SLCO5A1: variants seen among roughly 807,000 people sequenced by gnomAD.
SLCO5A1 encodes solute carrier organic anion transporter family member 5A1.
Under a neutral mutation model 65.1 loss-of-function variants are expected in SLCO5A1, and 39 were observed. That is an observed-to-expected ratio of 0.60 (90% CI 0.46 to 0.78). SLCO5A1 has a LOEUF of 0.78. Ranked by LOEUF, SLCO5A1 falls within the 30% of genes least tolerant of loss-of-function variation. The probability of loss-of-function intolerance (pLI) is 0.00; values close to 1 mark genes in which losing one functional copy is unlikely to be tolerated. For synonymous variants in SLCO5A1, 438 were observed against 415.7 expected (o/e 1.05, Z -0.65); for missense variants, 1,029 against 1,069.4 (o/e 0.96, Z 0.53).
intron 4 of SLCO5A1, among the ~76,000 whole-genome samples, chr8:69,742,044 G>A (rs1816807703): frequency 6.6e-6 from 1 of 152,138 alleles, no homozygotes; most frequent in Non-Finnish European, 1.5e-5. Context: ...CTGTCCTGTG[G>A]TTATATAGGA....
chr8:69,667,845 T>C lies in SLCO5A1; in HGVS notation c.*5024A>G, dbSNP rs970212453. On this transcript the variant is annotated 3_prime_UTR_variant, in exon 10 of 10. Coordinates refer to ENST00000260126, the MANE Select transcript of SLCO5A1 (RefSeq NM_030958.3). ...AAGCACTGAGTATTCCATAGAAAAG[T>C]ATCCCCCCTTTCACGCTTCATTTTT... 7.2e-5 allele frequency: 11 copies of C among 152,364 alleles called. No individual in the cohort carries two copies. The highest frequency in any genetic ancestry group is 2.6e-4 in the African/African-American group (11 of 41,590). 9.4% of individuals were successfully genotyped at this position (152,364 alleles called of 1,614,324 possible).
At chr8:69,764,040 T>A (rs1425292235) in intron 2 of SLCO5A1, among the ~76,000 whole-genome samples, 1 of 152,300 alleles carries the variant, frequency 6.6e-6, no homozygotes, top group Non-Finnish European at 1.5e-5. Context: ...AATTTTTGTA[T>A]TTTTAGTAGA....
chr8:69,711,859 T>A (rs1815280007), intron 5 of SLCO5A1, among the ~76,000 whole-genome samples: 1 of 151,760 alleles, frequency 6.6e-6, no homozygotes, highest in African/African-American at 2.4e-5. Context: ...ATGCTGGCCA[T>A]CATCATCATC....
chr8:69,798,519 C>T (rs1218936886), intron 2 of SLCO5A1, among the ~76,000 whole-genome samples: 1 of 152,162 alleles, frequency 6.6e-6, no homozygotes, highest in Non-Finnish European at 1.5e-5. Context: ...AGAGGTGCTA[C>T]ACACTTTTAA....
Position 69,711,427 on chromosome 8 carries a change from A to C in SLCO5A1, c.1424-6198T>G, listed in dbSNP as rs557399329. On this transcript the variant is annotated intron_variant, in intron 5 of 9. Transcript: ENST00000260126. ...GCCCTCTAATGGCCAAGACCTGGGG[A>C]GCGCAGGAGAAAAGCAGGTGGGGAA... Among the ~76,000 whole-genome samples, 16 of 152,108 alleles carry C rather than the reference A, an allele frequency of 1.1e-4. 1 individual carries two copies. The highest frequency in any genetic ancestry group is 3.9e-4 in the African/African-American group (16 of 41,490).
intron 2 of SLCO5A1, among the ~76,000 whole-genome samples, chr8:69,777,563 CA>C (rs958421598): frequency 3.3e-5 from 5 of 151,988 alleles, no homozygotes; most frequent in Non-Finnish European, 5.9e-5. Flanking sequence ...TTTCACTTTC[CA>C]ATATAACAAT....
At chr8:69,677,570 T>TC (rs929523927) in intron 8 of SLCO5A1, among the ~76,000 whole-genome samples, 3 of 152,144 alleles carry the variant, frequency 2.0e-5, no homozygotes, top group African/African-American at 7.2e-5. Flanking sequence ...TGTCACCTTT[T>TC]CCCCAATTTC....
intron 2 of SLCO5A1, among the ~76,000 whole-genome samples, chr8:69,787,873 C>T (rs1819105831): frequency 6.6e-6 from 1 of 152,166 alleles, no homozygotes; most frequent in Non-Finnish European, 1.5e-5. Flanking sequence ...GTCAAAACTA[C>T]TTTCAAGAGG....
chr8:69,810,726 G>T (rs1820175830), intron 2 of SLCO5A1, among the ~76,000 whole-genome samples: 1 of 152,150 alleles, frequency 6.6e-6, no homozygotes, highest in Non-Finnish European at 1.5e-5. Context: ...AAGAACAAGA[G>T]ACTTTAATAA....
At chr8:69,804,235 C>T (rs542600842) in intron 2 of SLCO5A1, among the ~76,000 whole-genome samples, 2 of 152,306 alleles carry the variant, frequency 1.3e-5, no homozygotes, top group East Asian at 3.9e-4. Flanking sequence ...AGAAGCAAGA[C>T]ATTTTTGCTA....
intron 2 of SLCO5A1, among the ~76,000 whole-genome samples, chr8:69,816,602 T>A (rs1159890047): frequency 6.6e-6 from 1 of 152,106 alleles, no homozygotes; most frequent in Non-Finnish European, 1.5e-5. Flanking sequence ...AGTATTCCAA[T>A]CTCTTTCCCC....
chr8:69,787,272 T>C (rs1819072861), intron 2 of SLCO5A1, among the ~76,000 whole-genome samples: 1 of 152,246 alleles, frequency 6.6e-6, no homozygotes, highest in Admixed American at 6.5e-5. Flanking sequence ...TTTTCCCGCA[T>C]TGGAAGTGCT....
intron 2 of SLCO5A1, among the ~76,000 whole-genome samples, chr8:69,781,559 G>A (rs1315264256): frequency 5.3e-5 from 8 of 152,204 alleles, no homozygotes; most frequent in Non-Finnish European, 1.0e-4. Context: ...GTAAGATACT[G>A]TGCTAAGGCC....
chr8:69,698,224 T>C (rs1814581707), intron 6 of SLCO5A1, among the ~76,000 whole-genome samples: 1 of 152,222 alleles, frequency 6.6e-6, no homozygotes, highest in Admixed American at 6.5e-5. Context: ...TCGTGGTGTG[T>C]ATATGCCACA....
In SLCO5A1 at chr8:69,682,727, A is replaced by G. The variant is rs146463216; in HGVS notation, c.1623-384T>C. Reference sequence around the variant, plus strand: ...ATCTGTACCTCAATTTCTTTATAAAATGGAGAAAATACTTTTTAGTATTGA... The same window carrying G: ...ATCTGTACCTCAATTTCTTTATAAAGTGGAGAAAATACTTTTTAGTATTGA... On this transcript the variant is annotated intron_variant, in intron 6 of 9. Coordinates refer to ENST00000260126, the MANE Select transcript of SLCO5A1 (RefSeq NM_030958.3). 2.3e-3 allele frequency among the ~76,000 whole-genome samples: 345 copies of G among 152,330 alleles called. 2 individuals are homozygous for G. Among genetic ancestry groups the G allele is most frequent in the African/African-American group, 7.7e-3 (319 of 41,566 alleles).
chr8:69,705,414 C>T (rs949683238), intron 5 of SLCO5A1, among the ~76,000 whole-genome samples, 185 bp from the exon 6 acceptor site: 1 of 152,178 alleles, frequency 6.6e-6, no homozygotes, highest in African/African-American at 2.4e-5. Flanking sequence ...ACAACGGACT[C>T]ACATCCAGAT....
intron 2 of SLCO5A1, among the ~76,000 whole-genome samples, chr8:69,765,456 C>G (rs1479683152): frequency 6.6e-6 from 1 of 151,448 alleles, no homozygotes; most frequent in Non-Finnish European, 1.5e-5. Flanking sequence ...TGACCTGGTC[C>G]CATTTAGTAA....
intron 2 of SLCO5A1, among the ~76,000 whole-genome samples, chr8:69,829,345 A>T (rs1821064660): frequency 6.6e-6 from 1 of 152,276 alleles, no homozygotes; most frequent in Admixed American, 6.5e-5. Flanking sequence ...GTGGAACATT[A>T]GCCTTGCCCC....
chr8:69,720,573 C>CA lies in SLCO5A1; in HGVS notation c.1424-15345dup, dbSNP rs544510540. ...ATATAAAATCAGGAAGTGGACAGAA[C>CA]AAAAACAGGACAATTTAATAGGCAC... On this transcript the variant is annotated intron_variant, in intron 5 of 9. Transcript: ENST00000260126. Among the ~76,000 whole-genome samples the CA allele has an allele frequency of 5.3e-5, 8 of 152,288 alleles. No individual in the cohort carries two copies. The South Asian group carries it at 1.7e-3, about 32-fold the overall frequency.
Sources: allele counts gnomAD v4.1 joint callset (sites outside exome capture counted in the v4.1 genomes callset), GRCh38; gene constraint gnomAD v4.1.1; transcripts MANE v1.5; gene names NCBI Gene and HGNC (gene_info 2026-07-23, HGNC 2026-07-21).